PHF20L1: variants seen among roughly 807,000 people sequenced by gnomAD.
PHF20L1 encodes PHD finger protein 20 like 1, also known as PHD finger protein 20-like protein 1.
Under a neutral mutation model 125.5 loss-of-function variants are expected in PHF20L1, and 44 were observed. The ratio of observed to expected loss-of-function variants is 0.35; its 90% CI spans 0.28 to 0.45. PHF20L1 has a LOEUF of 0.45. PHF20L1 is among the 20% of genes least tolerant of loss of function. The probability of loss-of-function intolerance (pLI) is 1.00; values close to 1 mark genes in which losing one functional copy is unlikely to be tolerated. For missense variants in PHF20L1, 1,012 were observed against 1,217.2 expected (o/e 0.83, Z 2.51); for synonymous variants, 380 against 403.1 (o/e 0.94, Z 0.69).
intron 13 of PHF20L1, chr8:132,824,945 G>A (rs1836001340): frequency 9.0e-7 from 1 of 1,109,222 alleles, no homozygotes; most frequent in Non-Finnish European, 1.2e-6. Context: ...CAGGTCCTTT[G>A]TAAATTATGG....
intron 9 of PHF20L1, chr8:132,812,194 C>A: frequency 2.0e-6 from 2 of 978,190 alleles, no homozygotes; most frequent in Non-Finnish European, 2.4e-6. Context: ...ACTTTTTTTA[C>A]TGTGTATTAC....
At chr8:132,800,492 T>C (rs1423447699) in intron 6 of PHF20L1, among the ~76,000 whole-genome samples, 2 of 142,200 alleles carry the variant, frequency 1.4e-5, no homozygotes, top group Non-Finnish European at 3.2e-5. Context: ...TCAGTTGTTA[T>C]TTGGGCAAAG....
intron 9 of PHF20L1, among the ~76,000 whole-genome samples, chr8:132,813,805 T>C (rs1018154335): frequency 1.3e-5 from 2 of 152,004 alleles, no homozygotes; most frequent in African/African-American, 2.4e-5. Context: ...TTTTAACATA[T>C]GTAGGAAATT....
In PHF20L1 at chr8:132,846,593, G is replaced by A. The variant is rs146040000; in HGVS notation, c.*670G>A. ...AATTGGAATATATTGCAGGCATTAA[G>A]CTCATTAAAAACAAACTGGCTTGCA... On this transcript the variant is annotated 3_prime_UTR_variant, in exon 21 of 21. Transcript: ENST00000395386. The A allele has an allele frequency of 5.2e-3, 800 of 152,584 alleles. 3 individuals are homozygous for A. In the Middle Eastern group the frequency reaches 0.065, roughly 12 times the overall value. 9.5% of individuals were successfully genotyped at this position (152,584 alleles called of 1,614,324 possible). A position where few individuals can be genotyped will look rare whatever the true frequency, so the allele number is the denominator to read the frequency against.
chr8:132,783,796 T>C (rs1830701479), intron 2 of PHF20L1, among the ~76,000 whole-genome samples: 1 of 152,220 alleles, frequency 6.6e-6, no homozygotes, highest in African/African-American at 2.4e-5. Flanking sequence ...TACAGTTGTA[T>C]GTATACATCA....
chr8:132,799,477 A>G, intron 6 of PHF20L1: 1 of 203,270 alleles, frequency 4.9e-6, no homozygotes, highest in Non-Finnish European at 9.7e-6. Flanking sequence ...CCACAATTCC[A>G]TTTGTTGGCT....
intron 19 of PHF20L1, chr8:132,843,146 A>T (rs1838098103): frequency 9.0e-7 from 1 of 1,106,158 alleles, no homozygotes; most frequent in East Asian, 5.5e-5. Flanking sequence ...GATGCTTCTA[A>T]AAAATGAACC....
At chr8:132,826,867 T>C (rs570627421) in intron 14 of PHF20L1, 17 of 152,164 alleles carry the variant, frequency 1.1e-4, no homozygotes, top group African/African-American at 4.1e-4. Flanking sequence ...ATTTATTAGA[T>C]ATTTAATAAA....
chr8:132,824,881 C>A, intron 13 of PHF20L1: 5 of 339,876 alleles, frequency 1.5e-5, no homozygotes, highest in Non-Finnish European at 1.4e-5. Context: ...TTTTTTAAAT[C>A]TCCTAATTTA....
At chr8:132,814,577 A>G in intron 9 of PHF20L1, 60 bp from the exon 10 acceptor site, 1 of 1,211,066 alleles carries the variant, frequency 8.3e-7, no homozygotes, top group South Asian at 1.6e-5. Flanking sequence ...TCAAAATAGA[A>G]TACAAGAACA....
rs778061568 is a variant in PHF20L1 at position 132,794,440 on chromosome 8, T to C, written c.114T>C (p.Tyr38=). Reference sequence around the variant, plus strand: ...CATCACGAATTGAAAAAATTGACTATGAGGAGGGCAAGATGTTGGTCCATT... The same window carrying C: ...CATCACGAATTGAAAAAATTGACTACGAGGAGGGCAAGATGTTGGTCCATT... ...WYPSRIEKID[Y]EEGKMLVHFE... is the part of the protein sequence containing the mutation. The change falls in exon 3 of 21, where the codon TAT becomes TAC. Residue 38 remains tyrosine (Y), a synonymous_variant. Coordinates refer to ENST00000395386, the MANE Select transcript of PHF20L1 (RefSeq NM_016018.5). The C allele has an allele frequency of 2.5e-6, 4 of 1,610,010 alleles. No individual in the cohort carries two copies. The Admixed American group carries it at 5.0e-5, about 20-fold the overall frequency.
intron 18 of PHF20L1, among the ~76,000 whole-genome samples, chr8:132,840,788 G>A (rs899545759): frequency 6.6e-6 from 1 of 152,016 alleles, no homozygotes; most frequent in Non-Finnish European, 1.5e-5. Context: ...CAAACTCCAC[G>A]CATACTTGTG....
Position 132,794,484 on chromosome 8 carries a change from G to A in PHF20L1, c.158G>A (p.Arg53His), listed in dbSNP as rs1832155445. 1.9e-6 allele frequency: 3 copies of A among 1,610,450 alleles called. No individual in the cohort carries two copies. The highest frequency in any genetic ancestry group is 2.5e-6 in the Non-Finnish European group (3 of 1,176,686). Residue 53 changes from arginine to histidine, a missense_variant, in exon 3 of 21, where the codon CGT becomes CAT. Coordinates refer to ENST00000395386, the MANE Select transcript of PHF20L1 (RefSeq NM_016018.5). The stretch of plus-strand genomic sequence containing the variant: ...GTCCATTTTGAGCGCTGGAGTCATC[G>A]TTATGATGAGTGGATTTACTGGGAT... The part of the protein sequence containing the change: ...MLVHFERWSH[R>H]YDEWIYWDSN...
intron 14 of PHF20L1, among the ~76,000 whole-genome samples, chr8:132,827,965 T>C (rs1785724161): frequency 6.6e-6 from 1 of 152,024 alleles, no homozygotes; most frequent in African/African-American, 2.4e-5. Context: ...TTGAGGAGAA[T>C]TTATTCTGAG....
chr8:132,816,927 A>C lies in PHF20L1; in HGVS notation c.1223A>C (p.His408Pro). The C allele has an allele frequency of 6.2e-7, 1 of 1,612,418 alleles. No homozygotes were observed. The highest frequency in any genetic ancestry group is 8.5e-7 in the Non-Finnish European group (1 of 1,178,906). ...QPVNPPRPFKHSERRRRSQRL... is the reference protein window; with the variant it reads ...QPVNPPRPFKPSERRRRSQRL... The stretch of plus-strand genomic sequence containing the variant: ...GTGAATCCCCCTAGACCTTTCAAGC[A>C]TAGTGAGCGGAGAAGAAGATCTCAG... Residue 408 changes from histidine (H) to proline (P), a missense_variant, in exon 11 of 21, where the codon CAT becomes CCT. Physicochemically the swap from His to Pro is moderately conservative, Grantham distance 77 (BLOSUM62 -2). Coordinates refer to ENST00000395386, the MANE Select transcript of PHF20L1 (RefSeq NM_016018.5).
chr8:132,841,468 A>G (rs1255511965), intron 18 of PHF20L1: 1 of 152,162 alleles, frequency 6.6e-6, no homozygotes, highest in Admixed American at 6.6e-5. Context: ...TTCAGAAACA[A>G]TACTTGAGTA....
intron 14 of PHF20L1, among the ~76,000 whole-genome samples, chr8:132,828,477 T>G (rs1836431492): frequency 6.6e-6 from 1 of 152,182 alleles, no homozygotes. Flanking sequence ...GAAATACTGT[T>G]TATCAAACTG....
intron 18 of PHF20L1, 100 bp downstream of exon 18, chr8:132,839,682 G>T (rs1226032196): frequency 2.6e-6 from 2 of 756,890 alleles, no homozygotes; most frequent in Non-Finnish European, 4.4e-6. Flanking sequence ...CAGTTTGGAG[G>T]AGAGAACAGG....
chr8:132,801,333 A>G (rs1833020467), intron 6 of PHF20L1, among the ~76,000 whole-genome samples: 1 of 151,720 alleles, frequency 6.6e-6, no homozygotes, highest in South Asian at 2.1e-4. Context: ...ATCCTTTGAC[A>G]TAGGTATGGC....
Sources: allele counts gnomAD v4.1 joint callset (sites outside exome capture counted in the v4.1 genomes callset), GRCh38; gene constraint gnomAD v4.1.1; transcripts MANE v1.5; gene names NCBI Gene and HGNC (gene_info 2026-07-23, HGNC 2026-07-21).